MTUS1: variants seen among roughly 807,000 people sequenced by gnomAD.
MTUS1 encodes microtubule-associated tumor suppressor 1.
Under a neutral mutation model 120.8 loss-of-function variants are expected in MTUS1, and 109 were observed. That is an observed-to-expected ratio of 0.90 (90% confidence interval 0.77 to 1.06). The LOEUF is 1.06. MTUS1 is among the 50% of genes least tolerant of loss of function. The pLI, the probability that MTUS1 is intolerant of heterozygous loss-of-function variation, is 0.00. For missense variants in MTUS1, 2,210 were observed against 1,486.3 expected (o/e 1.49, Z -8.01); for synonymous variants, 737 against 550.5 (o/e 1.34, Z -4.74).
At chr8:17,713,995 T>C (rs1045648580) in intron 5 of MTUS1, among the ~76,000 whole-genome samples, 4 of 152,204 alleles carry the variant, frequency 2.6e-5, no homozygotes, top group African/African-American at 4.8e-5. Context: ...TCTCCTGTTC[T>C]ACAAAGCTGT....
At chr8:17,796,912 G>C (rs1050585605) in intron 1 of MTUS1, among the ~76,000 whole-genome samples, 1 of 152,120 alleles carries the variant, frequency 6.6e-6, no homozygotes, top group African/African-American at 2.4e-5. Context: ...AGGAATTCGA[G>C]ACCAAGTTGG....
chr8:17,675,585 G>C (rs748520049), intron 7 of MTUS1, among the ~76,000 whole-genome samples: 2 of 152,100 alleles, frequency 1.3e-5, no homozygotes, highest in Admixed American at 6.5e-5. Flanking sequence ...GATGTAATGC[G>C]TTCTCCTCCT....
intron 4 of MTUS1, among the ~76,000 whole-genome samples, chr8:17,721,280 G>C (rs7812400): frequency 1.3e-5 from 2 of 152,160 alleles, no homozygotes; most frequent in Non-Finnish European, 2.9e-5. Context: ...TTTTGAGGTA[G>C]CCTTTAAAAG....
intron 6 of MTUS1, among the ~76,000 whole-genome samples, chr8:17,699,710 G>T (rs949211067): frequency 1.3e-5 from 2 of 152,300 alleles, no homozygotes; most frequent in African/African-American, 4.8e-5. Context: ...ACTAAATTCA[G>T]TTCTTTCCCA....
intron 5 of MTUS1, among the ~76,000 whole-genome samples, chr8:17,714,652 A>G (rs1037187281): frequency 6.6e-6 from 1 of 152,118 alleles, no homozygotes. Flanking sequence ...ACAGAAGAGT[A>G]TATTCATTAT....
chr8:17,717,672 A>C (rs1160850672), intron 4 of MTUS1, among the ~76,000 whole-genome samples: 1 of 152,182 alleles, frequency 6.6e-6, no homozygotes, highest in Non-Finnish European at 1.5e-5. Flanking sequence ...GTTCACAAAG[A>C]GATCAGTAAA....
At chr8:17,697,636 G>C in intron 6 of MTUS1, 1 of 1,216,552 alleles carries the variant, frequency 8.2e-7, no homozygotes, top group Non-Finnish European at 1.0e-6. Context: ...CCCTCCTGCA[G>C]GTCTAGAAGC....
In MTUS1 at chr8:17,650,999, C is replaced by T. The variant is rs578057861; in HGVS notation, c.3385-1037G>A. Reference sequence around the variant, plus strand: ...TTAGGGAGAATCCAGGAAGGGGCCTCGGGGATTACTTAATCCAAACCCCTT... The same window carrying T: ...TTAGGGAGAATCCAGGAAGGGGCCTTGGGGATTACTTAATCCAAACCCCTT... On this transcript the variant is annotated intron_variant, in intron 12 of 14. Coordinates refer to ENST00000693296, the MANE Select transcript of MTUS1 (RefSeq NM_001363059.2). Among the ~76,000 whole-genome samples the T allele has an allele frequency of 1.6e-4, 25 of 152,254 alleles. No individual in the cohort carries two copies. The South Asian group carries it at 1.7e-3, about 10-fold the overall frequency.
chr8:17,790,228 G>C (rs899324717), intron 1 of MTUS1, among the ~76,000 whole-genome samples: 2 of 151,742 alleles, frequency 1.3e-5, no homozygotes, highest in African/African-American at 2.4e-5. Flanking sequence ...CACACCTGTA[G>C]TCCCAGCTAC....
chr8:17,689,172 C>A (rs1250018835), intron 6 of MTUS1, among the ~76,000 whole-genome samples: 1 of 152,140 alleles, frequency 6.6e-6, no homozygotes, highest in African/African-American at 2.4e-5. Flanking sequence ...GATCACGCCA[C>A]TGCACTCCAG....
chr8:17,759,579 T>C (rs2048880698), intron 1 of MTUS1, among the ~76,000 whole-genome samples: 1 of 148,592 alleles, frequency 6.7e-6, no homozygotes, highest in Admixed American at 6.7e-5. Flanking sequence ...AATGTGCATG[T>C]TACTATATAT....
intron 2 of MTUS1, among the ~76,000 whole-genome samples, chr8:17,748,541 G>A (rs568291573): frequency 2.5e-4 from 38 of 152,222 alleles, no homozygotes; most frequent in South Asian, 1.5e-3. Context: ...ATGACACACC[G>A]GTGTCCATGG....
rs116686397 is a variant in MTUS1 at position 17,770,771 on chromosome 8, A to G, written c.-154-14810T>C. The stretch of plus-strand genomic sequence containing the variant: ...ACTTTTCTGAGGCTTTACAGGCAGA[A>G]AACTTGTACGCAGATGTTTCTTGGT... On this transcript the variant is annotated intron_variant, in intron 1 of 14. Coordinates refer to ENST00000693296, the MANE Select transcript of MTUS1 (RefSeq NM_001363059.2). 3.7e-3 allele frequency among the ~76,000 whole-genome samples: 567 copies of G among 152,342 alleles called. 4 individuals carry two copies. Among genetic ancestry groups the G allele is most frequent in the African/African-American group, 0.013 (547 of 41,562 alleles).
At chr8:17,797,274 A>G (rs773066306) in intron 1 of MTUS1, among the ~76,000 whole-genome samples, 6 of 152,084 alleles carry the variant, frequency 3.9e-5, no homozygotes, top group Non-Finnish European at 5.9e-5. Flanking sequence ...TTAGCCAGGC[A>G]TGGCGGCACA....
intron 6 of MTUS1, among the ~76,000 whole-genome samples, chr8:17,686,074 T>G (rs1297144983): frequency 1.3e-5 from 2 of 152,238 alleles, no homozygotes; most frequent in Admixed American, 1.3e-4. Flanking sequence ...ACATAACAAT[T>G]CCACAGTGTT....
intron 8 of MTUS1, among the ~76,000 whole-genome samples, chr8:17,658,618 T>C (rs1308543428): frequency 1.3e-5 from 2 of 152,172 alleles, no homozygotes; most frequent in Non-Finnish European, 2.9e-5. Context: ...TGCTGGCAAA[T>C]CTGTTAAATT....
chr8:17,756,254 C>A (rs2048601041), intron 1 of MTUS1, among the ~76,000 whole-genome samples: 1 of 152,136 alleles, frequency 6.6e-6, no homozygotes, highest in Non-Finnish European at 1.5e-5. Context: ...AGGGACTTGT[C>A]AAAGAGAGGA....
chr8:17,680,139 C>G (rs147602485), intron 7 of MTUS1, among the ~76,000 whole-genome samples: 1 of 152,008 alleles, frequency 6.6e-6, no homozygotes, highest in Non-Finnish European at 1.5e-5. Flanking sequence ...GGGAACAGAA[C>G]GTAGATCTAG....
At chr8:17,783,946 T>G (rs568589945) in intron 1 of MTUS1, among the ~76,000 whole-genome samples, 1 of 152,242 alleles carries the variant, frequency 6.6e-6, no homozygotes, top group South Asian at 2.1e-4. Flanking sequence ...CAGAGATGAA[T>G]GCAATGAAGA....
Sources: gnomAD v4.1 joint callset for allele counts (sites outside exome capture counted in the v4.1 genomes callset) on GRCh38, gnomAD v4.1.1 for gene constraint, MANE v1.5 for transcripts, NCBI Gene and HGNC (gene_info 2026-07-23, HGNC 2026-07-21) for gene names.